CAMK2B: variants seen among roughly 807,000 people sequenced by gnomAD.
CAMK2B encodes the protein calcium/calmodulin-dependent protein kinase type II subunit beta.
A neutral mutation model predicts 93.7 loss-of-function variants in CAMK2B; 27 were observed. That is an observed-to-expected ratio of 0.29 (90% CI 0.21 to 0.40). CAMK2B has a LOEUF of 0.40. Among genes scored for constraint, CAMK2B ranks in the 10% least tolerant of loss-of-function variants. CAMK2B has a pLI of 1.00. For synonymous variants in CAMK2B, 374 were observed against 358.8 expected (o/e 1.04, Z -0.48); for missense variants, 568 against 895.8 (o/e 0.63, Z 4.67).
At chr7:44,238,516 G>C (rs1046184765) in intron 13 of CAMK2B, among the ~76,000 whole-genome samples, 2 of 152,200 alleles carry the variant, frequency 1.3e-5, no homozygotes, top group Admixed American at 6.5e-5. Flanking sequence ...GGTGCTGCCT[G>C]CTAGACACGT....
At chr7:44,281,776 C>T (rs907458961) in intron 2 of CAMK2B, among the ~76,000 whole-genome samples, 17 of 152,194 alleles carry the variant, frequency 1.1e-4, no homozygotes, top group African/African-American at 4.1e-4. Flanking sequence ...CCTCCTCCTC[C>T]CACCTGCTTG....
At chr7:44,296,355 T>A (rs1788308380) in intron 1 of CAMK2B, among the ~76,000 whole-genome samples, 2 of 152,012 alleles carry the variant, frequency 1.3e-5, no homozygotes, top group Non-Finnish European at 2.9e-5. Flanking sequence ...ACCAGTGAGT[T>A]TGAAAACATA....
rs1172327461 is a variant in CAMK2B at position 44,225,649 on chromosome 7, C to G, written c.1597+867G>C. 2.0e-6 allele frequency: 2 copies of G among 992,738 alleles called. No homozygotes were observed. Among genetic ancestry groups the G allele is most frequent in the East Asian group, 1.2e-4 (2 of 16,410 alleles). The allele number at this position is 992,738 out of a possible 1,614,324, so 61.5% of individuals were successfully genotyped here. On this transcript the variant is annotated intron_variant, in intron 20 of 23. Coordinates refer to ENST00000395749, the MANE Select transcript of CAMK2B (RefSeq NM_001220.5). The surrounding 1 kb of genome is among the most constrained non-coding windows in gnomAD (Gnocchi z 5.0). ...CATCCCCCTCCTCGAGCCGCTGCTC[C>G]TGTGGGTTCACTCTCCCCACACCCT...
chr7:44,317,995 G>A (rs1017280060), intron 1 of CAMK2B, among the ~76,000 whole-genome samples: 4 of 152,028 alleles, frequency 2.6e-5, no homozygotes, highest in Non-Finnish European at 5.9e-5. Flanking sequence ...AAATGCGATG[G>A]GGCCTGAACA....
At chr7:44,244,089 G>A (rs528816777) in intron 6 of CAMK2B, among the ~76,000 whole-genome samples, 1 of 152,246 alleles carries the variant, frequency 6.6e-6, no homozygotes, top group East Asian at 1.9e-4. Context: ...AAACGCCCAG[G>A]GCCCTCAGCA....
At chr7:44,284,410 G>A (rs1584588930) in intron 1 of CAMK2B, among the ~76,000 whole-genome samples, 185 bp from the exon 2 acceptor site, 1 of 152,274 alleles carries the variant, frequency 6.6e-6, no homozygotes, top group South Asian at 2.1e-4. Flanking sequence ...ACTCTCAGCT[G>A]GCCCCACTCA....
At chr7:44,246,413 A>G (rs1030799629) in intron 6 of CAMK2B, among the ~76,000 whole-genome samples, 5 of 152,204 alleles carry the variant, frequency 3.3e-5, no homozygotes, top group African/African-American at 1.2e-4. Flanking sequence ...AAGTGCACAC[A>G]CATGCACATG....
At chr7:44,295,739 C>T (rs1403710782) in intron 1 of CAMK2B, among the ~76,000 whole-genome samples, 1 of 152,170 alleles carries the variant, frequency 6.6e-6, no homozygotes, top group East Asian at 1.9e-4. Context: ...CTTCTTAAAA[C>T]CCTGCCCTCA....
At chr7:44,237,552 G>A (rs760841334) in intron 13 of CAMK2B, among the ~76,000 whole-genome samples, 4 of 152,214 alleles carry the variant, frequency 2.6e-5, no homozygotes, top group Non-Finnish European at 4.4e-5. Context: ...TGGGGTGCAT[G>A]GGCCCGGCCC....
intron 3 of CAMK2B, among the ~76,000 whole-genome samples, chr7:44,261,542 T>A (rs569528970): frequency 6.6e-6 from 1 of 152,126 alleles, no homozygotes; most frequent in African/African-American, 2.4e-5. Flanking sequence ...GGGTGGCAGC[T>A]GGTGGGGGAA....
Position 44,229,355 on chromosome 7 carries a change from G to A in CAMK2B, c.1339+33C>T. The A allele has an allele frequency of 3.5e-6, 5 of 1,427,440 alleles. No individual in the cohort carries two copies. In the East Asian group the frequency reaches 1.3e-4, roughly 37 times the overall value. The allele number at this position is 1,427,440 out of a possible 1,614,324, so 88.4% of individuals were successfully genotyped here. A position where few individuals can be genotyped will look rare whatever the true frequency, so the allele number is the denominator to read the frequency against. ...TAGGGGGTTGCCAGCCCTCCAACAT[G>A]ACCCCCACAGCAGCAGGACCCAGGC... is the stretch of plus-strand genomic sequence containing the variant. On this transcript the variant is annotated intron_variant, in intron 18 of 23. Transcript: ENST00000395749.
chr7:44,250,527 C>CTT lies in CAMK2B; in HGVS notation c.342-3337_342-3336dup, dbSNP rs36056008. 1.4e-3 allele frequency among the ~76,000 whole-genome samples: 169 copies of CTT among 117,794 alleles called. 3 individuals carry two copies. Among genetic ancestry groups the CTT allele is most frequent in the African/African-American group, 3.4e-3 (109 of 32,418 alleles). 77.3% of individuals were successfully genotyped at this position (117,794 alleles called of 152,430 possible). On this transcript the variant is annotated intron_variant, in intron 5 of 23. Transcript: ENST00000395749. ...CAGCCATCTTTCAGTAGTGACATTGCTTTTTTTTTTTTTTTTTTTTGAGAT... is the reference window on the plus strand; with the variant it reads ...CAGCCATCTTTCAGTAGTGACATTGCTTTTTTTTTTTTTTTTTTTTTTGAGAT...
intron 2 of CAMK2B, among the ~76,000 whole-genome samples, chr7:44,281,506 C>G (rs2097102053): frequency 6.6e-6 from 1 of 152,188 alleles, no homozygotes. Context: ...GCAGAGGCAG[C>G]TCGGATCCTG....
Position 44,239,683 on chromosome 7 carries a change from G to T in CAMK2B, c.947-20C>A. 1 of 1,476,820 alleles carries T rather than the reference G, an allele frequency of 6.8e-7. No homozygotes were observed. 91.5% of individuals were successfully genotyped at this position (1,476,820 alleles called of 1,614,324 possible). A position where few individuals can be genotyped will look rare whatever the true frequency, so the allele number is the denominator to read the frequency against. On this transcript the variant is annotated intron_variant, in intron 12 of 23. Coordinates refer to ENST00000395749, the MANE Select transcript of CAMK2B (RefSeq NM_001220.5). ...TGCCCACTGTTAGCACCGGGTTAGAGACGAGGGGAAGGGAGGGGTGGGCGG... is the reference window on the plus strand; with the variant it reads ...TGCCCACTGTTAGCACCGGGTTAGATACGAGGGGAAGGGAGGGGTGGGCGG...
At chr7:44,301,615 A>G (rs1790059372) in intron 1 of CAMK2B, among the ~76,000 whole-genome samples, 1 of 152,144 alleles carries the variant, frequency 6.6e-6, no homozygotes, top group Non-Finnish European at 1.5e-5. Context: ...TGTCTCTACC[A>G]AAAATACAAA....
intron 19 of CAMK2B, among the ~76,000 whole-genome samples, chr7:44,227,726 A>ACAG: frequency 6.1e-5 from 1 of 16,362 alleles, no homozygotes; most frequent in Non-Finnish European, 9.4e-5. Context: ...TGTGGGGGAC[A>ACAG]GAGGGGTATA....
At chr7:44,229,128 C>A (rs1197694942) in intron 18 of CAMK2B, 4 of 646,386 alleles carry the variant, frequency 6.2e-6, no homozygotes, top group Non-Finnish European at 8.4e-6. Flanking sequence ...ACCCTGAAGA[C>A]TGGAATTGAG....
chr7:44,237,883 G>T (rs1044540093), intron 13 of CAMK2B, among the ~76,000 whole-genome samples: 8 of 152,280 alleles, frequency 5.3e-5, no homozygotes, highest in African/African-American at 1.7e-4. Context: ...TCCAGGCCGG[G>T]GCAACTGCTG....
At position 44,243,247 on chromosome 7, in the gene CAMK2B, C is replaced by T. The variant is rs1390621326; in HGVS notation, c.601+3G>A. On this transcript the variant is annotated splice_donor_region_variant and intron_variant, in intron 8 of 23. Coordinates refer to ENST00000395749, the MANE Select transcript of CAMK2B (RefSeq NM_001220.5). Reference sequence around the variant, plus strand: ...CCCCGCACCAACTCAGGCCAGGCCTCACCACATGCCCAGATGTCCACAGGC... The same window carrying T: ...CCCCGCACCAACTCAGGCCAGGCCTTACCACATGCCCAGATGTCCACAGGC... The T allele has an allele frequency of 6.2e-7, 1 of 1,612,704 alleles. No homozygotes were observed. The highest frequency in any genetic ancestry group is 1.3e-5 in the African/African-American group (1 of 74,910).
Sources: allele counts gnomAD v4.1 joint callset (sites outside exome capture counted in the v4.1 genomes callset), GRCh38; gene constraint gnomAD v4.1.1; non-coding constraint Gnocchi (gnomAD v3.1); transcripts MANE v1.5; gene names NCBI Gene and HGNC (gene_info 2026-07-23, HGNC 2026-07-21).